KCTD21: variants seen among roughly 807,000 people sequenced by gnomAD.
The protein encoded by KCTD21 is BTB/POZ domain-containing protein KCTD21.
Under a neutral mutation model 13.2 loss-of-function variants are expected in KCTD21, and 9 were observed. That is an observed-to-expected ratio of 0.68 (90% CI 0.41 to 1.19). The LOEUF is 1.19. Ranked by LOEUF, KCTD21 falls within the 50% of genes most tolerant of loss-of-function variation. KCTD21 has a pLI of 0.01. For missense variants in KCTD21, 303 were observed against 336.5 expected (o/e 0.90, Z 0.78); for synonymous variants, 142 against 137.4 (o/e 1.03, Z -0.23).
intron 1 of KCTD21, chr11:78,187,971 C>T: frequency 2.0e-6 from 2 of 985,378 alleles, no homozygotes; most frequent in Non-Finnish European, 2.4e-6. Context: ...CTTTTCAGGG[C>T]GTGGGAGGTC....
At chr11:78,183,946 A>C (rs114221844) in intron 1 of KCTD21, among the ~76,000 whole-genome samples, 2,996 of 152,294 alleles carry the variant, frequency 0.02, 106 homozygotes, top group African/African-American at 0.068. Flanking sequence ...GGAAAAATTA[A>C]TTCTATAAAA....
chr11:78,180,948 G>A (rs1005861682), intron 1 of KCTD21, among the ~76,000 whole-genome samples: 50 of 152,104 alleles, frequency 3.3e-4, no homozygotes, highest in Admixed American at 2.4e-3. Context: ...TTCCCCCTTC[G>A]CTTGGCACTT....
chr11:78,186,868 G>C (rs1290002186), intron 1 of KCTD21: 1 of 985,376 alleles, frequency 1.0e-6, no homozygotes, highest in Non-Finnish European at 1.2e-6. Context: ...TACTTAAGTA[G>C]ATGGATGCCT....
intron 1 of KCTD21, among the ~76,000 whole-genome samples, chr11:78,186,089 G>C (rs1862754629): frequency 6.6e-6 from 1 of 151,856 alleles, no homozygotes; most frequent in Admixed American, 6.6e-5. Flanking sequence ...GAAAGAACTG[G>C]AGACAGGCCA....
chr11:78,181,577 A>T (rs1451035654), intron 1 of KCTD21, among the ~76,000 whole-genome samples: 1 of 152,242 alleles, frequency 6.6e-6, no homozygotes, highest in Non-Finnish European at 1.5e-5. Context: ...GGTTGGCACA[A>T]AAGTAATATG....
chr11:78,176,801 C>G (rs1193135409), intron 1 of KCTD21: 1 of 151,682 alleles, frequency 6.6e-6, no homozygotes, highest in Non-Finnish European at 1.5e-5. Context: ...CAAGGCCAGC[C>G]TGGCCAACAT....
At chr11:78,188,004 A>C (rs1435440612) in intron 1 of KCTD21, 12 of 985,256 alleles carry the variant, frequency 1.2e-5, no homozygotes, top group Non-Finnish European at 1.3e-5. Flanking sequence ...GGTGTGCCGC[A>C]CTGAACTCGG....
rs532438336 is a variant in KCTD21, at chr11:78,172,340, C to T, written c.*1432G>A. The T allele has an allele frequency of 6.6e-6, 1 of 152,370 alleles. No homozygotes were observed. Among genetic ancestry groups the T allele is most frequent in the Admixed American group, 6.5e-5 (1 of 15,292 alleles). The allele number at this position is 152,370 out of a possible 1,614,324, so 9.4% of individuals were successfully genotyped here. A position where few individuals can be genotyped will look rare whatever the true frequency, so the allele number is the denominator to read the frequency against. The stretch of plus-strand genomic sequence containing the variant: ...TTACTCTAAGGGCACTGTTACGGTT[C>T]ATACCACTCCTGGGCTCCTTGCTGC... On this transcript the variant is annotated 3_prime_UTR_variant, in exon 2 of 2. Coordinates refer to ENST00000340067, the MANE Select transcript of KCTD21 (RefSeq NM_001029859.3).
rs1332906023 is a variant in KCTD21, at chr11:78,184,758, T to TG, written c.-30+3814_-30+3815insC. Among the ~76,000 whole-genome samples, 26 of 121,640 alleles carry TG rather than the reference T, an allele frequency of 2.1e-4. No individual in the cohort carries two copies. In the Admixed American group the frequency reaches 2.5e-3, roughly 12 times the overall value. The allele number at this position is 121,640 out of a possible 152,430, so 79.8% of individuals were successfully genotyped here. Reference sequence around the variant, plus strand: ...AGGTATTTTTGGGCAATTAGAATTTTTTTTTTCTTGAGACAGGGTCTCACT... The same window carrying TG: ...AGGTATTTTTGGGCAATTAGAATTTTGTTTTTTCTTGAGACAGGGTCTCACT... On this transcript the variant is annotated intron_variant, in intron 1 of 1. Transcript: ENST00000340067.
rs529678869 is a variant in KCTD21, at chr11:78,172,325, G to A, written c.*1447C>T. Reference sequence around the variant, plus strand: ...TTAGGGGCCGCACATTTACTCTAAGGGCACTGTTACGGTTCATACCACTCC... The same window carrying A: ...TTAGGGGCCGCACATTTACTCTAAGAGCACTGTTACGGTTCATACCACTCC... On this transcript the variant is annotated 3_prime_UTR_variant, in exon 2 of 2. Coordinates refer to ENST00000340067, the MANE Select transcript of KCTD21 (RefSeq NM_001029859.3). 6.6e-6 allele frequency: 1 copy of A among 152,358 alleles called. No homozygotes were observed. The highest frequency in any genetic ancestry group is 1.5e-5 in the Non-Finnish European group (1 of 68,100). 9.4% of individuals were successfully genotyped at this position (152,358 alleles called of 1,614,324 possible).
intron 1 of KCTD21, among the ~76,000 whole-genome samples, chr11:78,185,739 G>A (rs1379312671): frequency 6.6e-6 from 1 of 151,900 alleles, no homozygotes; most frequent in Non-Finnish European, 1.5e-5. Flanking sequence ...TTTCAGGTGC[G>A]TGCCACCATG....
intron 1 of KCTD21, chr11:78,177,663 GTC>G (rs1862494499): frequency 1.3e-5 from 2 of 152,254 alleles, no homozygotes; most frequent in Non-Finnish European, 2.9e-5. Context: ...TCTAGTTTCA[GTC>G]TCTCTTTCTT....
At chr11:78,180,202 A>T (rs1207785255) in intron 1 of KCTD21, among the ~76,000 whole-genome samples, 2 of 152,234 alleles carry the variant, frequency 1.3e-5, no homozygotes, top group Non-Finnish European at 2.9e-5. Context: ...AATAAACTAG[A>T]CTTCATCCAC....
At chr11:78,186,213 G>A (rs1056295712) in intron 1 of KCTD21, among the ~76,000 whole-genome samples, 3 of 146,614 alleles carry the variant, frequency 2.0e-5, no homozygotes, top group East Asian at 4.0e-4. Flanking sequence ...CGTTTCTATA[G>A]AGAAAAAAAA....
At chr11:78,181,348 A>G (rs1015928181) in intron 1 of KCTD21, among the ~76,000 whole-genome samples, 1 of 152,262 alleles carries the variant, frequency 6.6e-6, no homozygotes, top group Admixed American at 6.5e-5. Flanking sequence ...ACTAAAAGAC[A>G]TTACCACATA....
chr11:78,175,786 GGTTA>G (rs1200957073), intron 1 of KCTD21, among the ~76,000 whole-genome samples: 2 of 152,026 alleles, frequency 1.3e-5, no homozygotes, highest in African/African-American at 4.8e-5. Context: ...ACAATGTGCA[GGTTA>G]GTTACATATG....
At chr11:78,187,088 T>C (rs1200052101) in intron 1 of KCTD21, 4 of 985,322 alleles carry the variant, frequency 4.1e-6, no homozygotes, top group Non-Finnish European at 3.6e-6. Context: ...TGGGAGTAAA[T>C]GCAAGGAGAG....
At position 78,173,954 on chromosome 11, in the gene KCTD21, T is replaced by A. The variant is rs1862362393; in HGVS notation, c.601A>T (p.Thr201Ser). 1 of 1,613,876 alleles carries A rather than the reference T, an allele frequency of 6.2e-7. No homozygotes were observed. The highest frequency in any genetic ancestry group is 8.5e-7 in the Non-Finnish European group (1 of 1,180,014). Residue 201 changes from threonine (T) to serine (S), a missense_variant, in exon 2 of 2, where the codon ACC becomes TCC. Thr to Ser is a moderately conservative substitution (Grantham distance 58, BLOSUM62 1). Coordinates refer to ENST00000340067, the MANE Select transcript of KCTD21 (RefSeq NM_001029859.3). ...CAGAGCCTCTTGAGGTTCTGCTTGG[T>A]GTACTCCTCCTCTGGCAGGCCCTCC... ...NVEGLPEEEYTKQNLKRLWVV... is the reference protein window; with the variant it reads ...NVEGLPEEEYSKQNLKRLWVV...
At chr11:78,187,883 T>A in intron 1 of KCTD21, 2 of 985,438 alleles carry the variant, frequency 2.0e-6, no homozygotes, top group Non-Finnish European at 2.4e-6. Flanking sequence ...TAAGGAGTCC[T>A]GAGTGGTTTT....
Sources: gnomAD v4.1 joint callset for allele counts (sites outside exome capture counted in the v4.1 genomes callset) on GRCh38, gnomAD v4.1.1 for gene constraint, MANE v1.5 for transcripts, NCBI Gene and HGNC (gene_info 2026-07-23, HGNC 2026-07-21) for gene names.